The following HPSE variants were observed in gnomAD, a reference collection of about 807,000 sequenced individuals.
HPSE encodes endo-glucoronidase.
A neutral mutation model predicts 65.1 loss-of-function variants in HPSE; 48 were observed. The ratio of observed to expected loss-of-function variants is 0.74; its 90% CI spans 0.58 to 0.94. HPSE has a LOEUF of 0.94. Among genes scored for constraint, HPSE ranks in the 40% least tolerant of loss-of-function variants. The probability of loss-of-function intolerance (pLI) is 0.00; values close to 1 mark genes in which losing one functional copy is unlikely to be tolerated. For synonymous variants in HPSE, 243 were observed against 260.0 expected, an observed-to-expected ratio of 0.93 and a Z score of 0.63; for missense variants, 644 against 637.5, an observed-to-expected ratio of 1.01 and a Z score of -0.11.
chr4:83,297,159 T>C (rs915376054), intron 11 of HPSE, among the ~76,000 whole-genome samples: 1 of 152,198 alleles, frequency 6.6e-6, no homozygotes, highest in African/African-American at 2.4e-5. Flanking sequence ...TACAGTAACA[T>C]GCTTTACAGG....
Position 83,302,156 on chromosome 4 carries a change from G to A in HPSE, c.1319C>T (p.Thr440Ile), listed in dbSNP as rs1224235943. The A allele has an allele frequency of 6.2e-7, 1 of 1,604,884 alleles. No homozygotes were observed. Among genetic ancestry groups the A allele is most frequent in the African/African-American group, 1.3e-5 (1 of 74,758 alleles). Reference protein sequence around the residue: ...KLRVYLHCTNTDNPRYKEGDL... With the variant: ...KLRVYLHCTNIDNPRYKEGDL... ...GGGTGTGTTTCATACTTACTTGTCA[G>A]TGTTTGTGCAATGAAGGTATACTCG... The change falls in exon 10 of 12, where the codon ACT becomes ATT. Residue 440 changes from threonine to isoleucine, a missense_variant. Thr to Ile is a moderately conservative substitution (Grantham distance 89, BLOSUM62 -1). Coordinates refer to ENST00000311412, the MANE Select transcript of HPSE (RefSeq NM_001098540.3).
chr4:83,309,805 G>T (rs1736296809), intron 6 of HPSE, among the ~76,000 whole-genome samples: 1 of 152,176 alleles, frequency 6.6e-6, no homozygotes, highest in African/African-American at 2.4e-5. Flanking sequence ...AATTGGCACT[G>T]TTCTTCTGTA....
intron 9 of HPSE, among the ~76,000 whole-genome samples, chr4:83,304,108 T>C (rs1736063473): frequency 6.6e-6 from 1 of 152,138 alleles, no homozygotes; most frequent in Non-Finnish European, 1.5e-5. Flanking sequence ...AAGAGGTGGC[T>C]TAGAACTCCA....
rs1287467407 is a variant in HPSE, at chr4:83,309,996, A to G, written c.890+35T>C. 3.4e-6 allele frequency: 5 copies of G among 1,473,462 alleles called. No homozygotes were observed. In the Middle Eastern group the frequency reaches 5.2e-4, roughly 154 times the overall value. The allele number at this position is 1,473,462 out of a possible 1,614,324, so 91.3% of individuals were successfully genotyped here. The stretch of plus-strand genomic sequence containing the variant: ...CTAGGTAATAAATAAAGCTAGCCTT[A>G]CTTTCCTAGTATTAAGAATAGGAGA... On this transcript the variant is annotated intron_variant, in intron 6 of 11. Coordinates refer to ENST00000311412, the MANE Select transcript of HPSE (RefSeq NM_001098540.3).
intron 11 of HPSE, among the ~76,000 whole-genome samples, chr4:83,297,794 A>C (rs546166460): frequency 6.6e-6 from 1 of 152,326 alleles, no homozygotes; most frequent in African/African-American, 2.4e-5. Context: ...GATGGAGTGA[A>C]GGGGGAAATG....
At chr4:83,316,939 C>T (rs1207719998) in intron 3 of HPSE, among the ~76,000 whole-genome samples, 5 of 152,056 alleles carry the variant, frequency 3.3e-5, no homozygotes, top group Admixed American at 2.0e-4. Flanking sequence ...CTCACTTTGT[C>T]GCCCAGGCTA....
At position 83,326,844 on chromosome 4, in the gene HPSE, C is replaced by G. The variant is rs976711672; in HGVS notation, c.228-4480G>C. On this transcript the variant is annotated intron_variant, in intron 1 of 11. Coordinates refer to ENST00000311412, the MANE Select transcript of HPSE (RefSeq NM_001098540.3). This position sits in a 1 kb window ranked among gnomAD's most constrained non-coding sequence, Gnocchi z 4.2. ...CTCTAGCTGTATTTGTAAGCAGTCGCGGCTGGGCAAGAGACTGGGAAGTGG... is the reference window on the plus strand; with the variant it reads ...CTCTAGCTGTATTTGTAAGCAGTCGGGGCTGGGCAAGAGACTGGGAAGTGG... Among the ~76,000 whole-genome samples the G allele has an allele frequency of 6.6e-6, 1 of 152,100 alleles. No homozygotes were observed. Among genetic ancestry groups the G allele is most frequent in the Non-Finnish European group, 1.5e-5 (1 of 68,014 alleles).
At chr4:83,304,338 T>A (rs1736075011) in intron 9 of HPSE, among the ~76,000 whole-genome samples, 1 of 152,212 alleles carries the variant, frequency 6.6e-6, no homozygotes, top group Non-Finnish European at 1.5e-5. Context: ...CATGTCCTGC[T>A]TTTAGGCAAA....
At chr4:83,332,426 G>A (rs1737415141) in intron 1 of HPSE, among the ~76,000 whole-genome samples, 1 of 152,228 alleles carries the variant, frequency 6.6e-6, no homozygotes, top group Non-Finnish European at 1.5e-5. Context: ...TATGGCAGAT[G>A]GCCTCTCCAA....
At chr4:83,329,737 TA>T (rs1195222460) in intron 1 of HPSE, among the ~76,000 whole-genome samples, 9 of 152,104 alleles carry the variant, frequency 5.9e-5, no homozygotes, top group East Asian at 3.9e-4. Flanking sequence ...TTATCTGTTA[TA>T]AAAAAATGTG....
chr4:83,312,788 G>C (rs1736451437), intron 4 of HPSE, among the ~76,000 whole-genome samples: 1 of 131,558 alleles, frequency 7.6e-6, no homozygotes, highest in African/African-American at 2.9e-5. Context: ...ACGAGGTCAG[G>C]AGATCAAGAC....
At chr4:83,316,108 C>T (rs1237036495) in intron 3 of HPSE, among the ~76,000 whole-genome samples, 2 of 151,874 alleles carry the variant, frequency 1.3e-5, no homozygotes, top group Non-Finnish European at 2.9e-5. Context: ...CTCACTGCAA[C>T]CTCCACCTCC....
At position 83,294,988 on chromosome 4, in the gene HPSE, A is replaced by G. The variant is rs543461109; in HGVS notation, c.*356T>C. 1 of 152,850 alleles carries G rather than the reference A, an allele frequency of 6.5e-6. No individual in the cohort carries two copies. Among genetic ancestry groups the G allele is most frequent in the East Asian group, 1.9e-4 (1 of 5,214 alleles). 9.5% of individuals were successfully genotyped at this position (152,850 alleles called of 1,614,324 possible). A position where few individuals can be genotyped will look rare whatever the true frequency, so the allele number is the denominator to read the frequency against. ...GGAAGCTGAGGCAGGAGAATTGCTT[A>G]AAGTTGCAGTGAGCCAAGATCGCAC... On this transcript the variant is annotated 3_prime_UTR_variant, in exon 12 of 12. Transcript: ENST00000311412.
Position 83,309,489 on chromosome 4 carries a change from A to G in HPSE, c.897T>C (p.Tyr299=), listed in dbSNP as rs1736282273. Residue 299 remains tyrosine (Y), a synonymous_variant, in exon 7 of 12, where the codon TAT becomes TAC. Transcript: ENST00000311412. ...VIDSVTWHHY[Y]LNGRTATKED... ...CCTTGGTAGCAGTCCGTCCATTCAAATAGTAGCTAAATTACACAGAAAATA... is the reference window on the plus strand; with the variant it reads ...CCTTGGTAGCAGTCCGTCCATTCAAGTAGTAGCTAAATTACACAGAAAATA... 2.0e-6 allele frequency: 3 copies of G among 1,474,564 alleles called. No individual in the cohort carries two copies. Among genetic ancestry groups the G allele is most frequent in the African/African-American group, 1.4e-5 (1 of 71,150 alleles). 91.3% of individuals were successfully genotyped at this position (1,474,564 alleles called of 1,614,324 possible).
rs10025120 is a variant in HPSE at position 83,295,788 on chromosome 4, C to A, written c.1473-285G>T. ...AAATGGAACACACACAATCTATATACTAGGCAATATGATGGTGGTATAAAA... is the reference window on the plus strand; with the variant it reads ...AAATGGAACACACACAATCTATATAATAGGCAATATGATGGTGGTATAAAA... On this transcript the variant is annotated intron_variant, in intron 11 of 11. Coordinates refer to ENST00000311412, the MANE Select transcript of HPSE (RefSeq NM_001098540.3). 0.63 allele frequency among the ~76,000 whole-genome samples: 96,201 copies of A among 152,060 alleles called. 31,995 individuals carry two copies. Among genetic ancestry groups the A allele is most frequent in the East Asian group, 0.87 (4,503 of 5,190 alleles).
chr4:83,306,740 T>C (rs545097763), intron 8 of HPSE, among the ~76,000 whole-genome samples: 2 of 152,298 alleles, frequency 1.3e-5, no homozygotes, highest in South Asian at 4.1e-4. Context: ...AATAGCCCTT[T>C]TCTGAAAAGA....
In HPSE at chr4:83,313,103, G is replaced by A. The variant is rs201978041; in HGVS notation, c.673+11C>T. The A allele has an allele frequency of 8.9e-4, 1,394 of 1,561,124 alleles. 4 individuals are homozygous for A. Among genetic ancestry groups the A allele is most frequent in the Non-Finnish European group, 6.3e-4 (721 of 1,135,878 alleles). ...TCTCCTTATTAATGAATTGTTCCCT[G>A]GGGTACTCACCATTGCCTAGTTCCC... On this transcript the variant is annotated intron_variant, in intron 4 of 11. Transcript: ENST00000311412.
intron 1 of HPSE, among the ~76,000 whole-genome samples, chr4:83,325,346 A>G (rs1225939557): frequency 6.6e-6 from 1 of 151,986 alleles, no homozygotes; most frequent in Non-Finnish European, 1.5e-5. Context: ...TTGTATTTTT[A>G]TTAGAGATGG....
At chr4:83,319,214 C>A in intron 3 of HPSE, 130 bp downstream of exon 3, 1 of 918,096 alleles carries the variant, frequency 1.1e-6, no homozygotes, top group Non-Finnish European at 1.6e-6. Flanking sequence ...TAGGATTTCC[C>A]ATTTGGGAAA....
Sources: gnomAD v4.1 joint callset for allele counts (sites outside exome capture counted in the v4.1 genomes callset) on GRCh38, gnomAD v4.1.1 for gene constraint, Gnocchi (gnomAD v3.1) non-coding constraint, MANE v1.5 for transcripts, NCBI Gene and HGNC (gene_info 2026-07-23, HGNC 2026-07-21) for gene names.